The following AP2B1 variants were observed in gnomAD, a reference collection of about 807,000 sequenced individuals.
AP2B1 encodes the protein adaptor related protein complex 2 subunit beta 1.
Under a neutral mutation model 102.0 loss-of-function variants are expected in AP2B1, and 23 were observed. The ratio of observed to expected loss-of-function variants is 0.23; its 90% CI spans 0.16 to 0.32. The LOEUF (loss-of-function observed/expected upper bound fraction) is 0.32, where lower values mean the gene tolerates loss of function less well. AP2B1 is among the 10% of genes least tolerant of loss of function. The pLI, the probability that AP2B1 is intolerant of heterozygous loss-of-function variation, is 1.00. For synonymous variants in AP2B1, 381 were observed against 421.2 expected (o/e 0.90, Z 1.17); for missense variants, 541 against 1,157.4 (o/e 0.47, Z 7.73).
intron 12 of AP2B1, 81 bp from the exon 13 acceptor site, chr17:35,650,449 G>T: frequency 2.0e-6 from 3 of 1,511,236 alleles, no homozygotes; most frequent in Admixed American, 1.9e-5. Flanking sequence ...TACAACATTG[G>T]TTGATGATAA....
At chr17:35,650,072 C>T (rs1019304636) in intron 12 of AP2B1, among the ~76,000 whole-genome samples, 1 of 152,082 alleles carries the variant, frequency 6.6e-6, no homozygotes, top group Admixed American at 6.5e-5. Context: ...GCCTCAGCCT[C>T]CTGAGTAGCT....
intron 18 of AP2B1, among the ~76,000 whole-genome samples, chr17:35,708,871 T>C (rs587663503): frequency 2.0e-5 from 3 of 152,326 alleles, no homozygotes; most frequent in East Asian, 3.9e-4. Flanking sequence ...GAGATCATTA[T>C]AGTGTGAGTT....
At chr17:35,699,458 T>C (rs974392338) in intron 18 of AP2B1, among the ~76,000 whole-genome samples, 1 of 152,186 alleles carries the variant, frequency 6.6e-6, no homozygotes, top group Admixed American at 6.5e-5. Context: ...GAACAGCAGT[T>C]TGGTACCATT....
intron 20 of AP2B1, among the ~76,000 whole-genome samples, chr17:35,715,086 A>C (rs1292785542): frequency 2.6e-5 from 4 of 152,202 alleles, no homozygotes; most frequent in South Asian, 2.1e-4. Flanking sequence ...ACTCAAACCT[A>C]ATAACTAAAA....
At chr17:35,637,690 ATT>A (rs11398346) in intron 10 of AP2B1, among the ~76,000 whole-genome samples, 4 of 145,510 alleles carry the variant, frequency 2.7e-5, no homozygotes, top group East Asian at 2.0e-4. Flanking sequence ...CGGTTTCTAA[ATT>A]TTTTTTTTTT....
intron 1 of AP2B1, among the ~76,000 whole-genome samples, chr17:35,589,205 T>TG (rs2073003256): frequency 6.6e-6 from 1 of 152,256 alleles, no homozygotes; most frequent in Admixed American, 6.5e-5. Context: ...TACCTGATGA[T>TG]GCTATTGTCT....
At chr17:35,636,557 G>A in intron 10 of AP2B1, 101 bp downstream of exon 10, 2 of 816,314 alleles carry the variant, frequency 2.5e-6, no homozygotes, top group South Asian at 1.6e-5. Flanking sequence ...GAATGTTCCT[G>A]GTCATAATAG....
At chr17:35,719,094 G>A (rs1297440101) in intron 21 of AP2B1, among the ~76,000 whole-genome samples, 4 of 151,948 alleles carry the variant, frequency 2.6e-5, no homozygotes, top group Admixed American at 1.3e-4. Context: ...TTTTTTAAAT[G>A]GAACAGTAGA....
intron 13 of AP2B1, 150 bp downstream of exon 13, chr17:35,650,939 T>C: frequency 1.2e-6 from 1 of 851,354 alleles, no homozygotes; most frequent in Non-Finnish European, 1.8e-6. Flanking sequence ...CTGTACATTT[T>C]TGGACACCTA....
chr17:35,650,982 T>C, intron 13 of AP2B1, 193 bp downstream of exon 13: 1 of 577,880 alleles, frequency 1.7e-6, no homozygotes, highest in East Asian at 3.0e-5. Context: ...TCCATCTGAA[T>C]ACCAGTGACC....
chr17:35,632,440 T>C (rs2074489640), intron 9 of AP2B1, among the ~76,000 whole-genome samples: 1 of 152,112 alleles, frequency 6.6e-6, no homozygotes, highest in Admixed American at 6.5e-5. Context: ...CAGCCCTTGT[T>C]TTATAGTTTA....
At chr17:35,664,609 A>G (rs1461237221) in intron 14 of AP2B1, among the ~76,000 whole-genome samples, 1 of 152,236 alleles carries the variant, frequency 6.6e-6, no homozygotes, top group African/African-American at 2.4e-5. Flanking sequence ...TATTACTGCC[A>G]GTAGCCATAA....
chr17:35,629,213 GT>G (rs2074398523), intron 9 of AP2B1, among the ~76,000 whole-genome samples: 1 of 152,172 alleles, frequency 6.6e-6, no homozygotes. Context: ...CTCCCAAAGT[GT>G]TGAGATTATA....
chr17:35,700,891 T>C (rs1213601613), intron 18 of AP2B1, among the ~76,000 whole-genome samples: 2 of 152,236 alleles, frequency 1.3e-5, no homozygotes, highest in African/African-American at 4.8e-5. Flanking sequence ...AAGTGCCTTA[T>C]AATTTCTGTT....
Position 35,619,382 on chromosome 17 carries a change from C to G in AP2B1, c.526-5015C>G, listed in dbSNP as rs192379491. Among the ~76,000 whole-genome samples, 121 of 152,074 alleles carry G rather than the reference C, an allele frequency of 8.0e-4. No homozygotes were observed. In the Middle Eastern group the frequency reaches 0.027, roughly 34 times the overall value. ...TTCAGGCTGGGTATGGTGGTTCACA[C>G]CTGTAATATTAGCACTTTGGGAGGC... is the stretch of plus-strand genomic sequence containing the variant. On this transcript the variant is annotated intron_variant, in intron 5 of 21. Coordinates refer to ENST00000610402, the MANE Select transcript of AP2B1 (RefSeq NM_001030006.2).
intron 12 of AP2B1, among the ~76,000 whole-genome samples, chr17:35,644,819 A>G (rs962306352): frequency 3.7e-4 from 56 of 152,248 alleles, no homozygotes; most frequent in African/African-American, 1.3e-3. Context: ...GGATCACTTG[A>G]ACTCAGGAAT....
chr17:35,612,220 T>G (rs980526613), intron 5 of AP2B1, among the ~76,000 whole-genome samples: 2 of 152,138 alleles, frequency 1.3e-5, no homozygotes, highest in Admixed American at 6.5e-5. Flanking sequence ...GTGCCTGGAG[T>G]GTAAAATTTA....
rs112591417 is a variant in AP2B1 at position 35,700,750 on chromosome 17, A to G, written c.2455-8474A>G. ...GTAGCTCCTGCAGCAGGCTTTCTATACTATGGAAAGAAACTAATTGCTGGT... is the reference window on the plus strand; with the variant it reads ...GTAGCTCCTGCAGCAGGCTTTCTATGCTATGGAAAGAAACTAATTGCTGGT... On this transcript the variant is annotated intron_variant, in intron 18 of 21. Coordinates refer to ENST00000610402, the MANE Select transcript of AP2B1 (RefSeq NM_001030006.2). 4.1e-3 allele frequency among the ~76,000 whole-genome samples: 631 copies of G among 152,354 alleles called. 7 individuals carry two copies. Among genetic ancestry groups the G allele is most frequent in the Admixed American group, 7.8e-3 (119 of 15,300 alleles).
Position 35,626,796 on chromosome 17 carries a change from G to A in AP2B1, c.892G>A (p.Val298Met). 6.2e-7 allele frequency: 1 copy of A among 1,614,022 alleles called. No homozygotes were observed. The highest frequency in any genetic ancestry group is 8.5e-7 in the Non-Finnish European group (1 of 1,179,992). ...LVTLLSGEPE[V>M]QYVALRNINL... ...CACTTTGCTGTCTGGGGAGCCAGAA[G>A]TGCAGTATGTCGCCCTGAGGAACAT... is the stretch of plus-strand genomic sequence containing the variant. The change falls in exon 7 of 22, where the codon GTG (valine) becomes ATG (methionine). Residue 298 changes from valine (V) to methionine (M), a missense_variant. Coordinates refer to ENST00000610402, the MANE Select transcript of AP2B1 (RefSeq NM_001030006.2).
Sources: allele counts gnomAD v4.1 joint callset (sites outside exome capture counted in the v4.1 genomes callset), GRCh38; gene constraint gnomAD v4.1.1; transcripts MANE v1.5; gene names NCBI Gene and HGNC (gene_info 2026-07-23, HGNC 2026-07-21).